The following PSEN1 variants were observed in gnomAD, a reference collection of about 807,000 sequenced individuals.
The protein encoded by PSEN1 is presenilin 1.
A neutral mutation model predicts 53.5 loss-of-function variants in PSEN1; 15 were observed. The ratio of observed to expected loss-of-function variants is 0.28; its 90% CI spans 0.19 to 0.43. The LOEUF is 0.43. Ranked by LOEUF, PSEN1 falls within the 20% of genes least tolerant of loss-of-function variation. The pLI, the probability that PSEN1 is intolerant of heterozygous loss-of-function variation, is 1.00. For synonymous variants in PSEN1, 208 were observed against 209.8 expected (o/e 0.99, Z 0.08); for missense variants, 387 against 571.2 (o/e 0.68, Z 3.29).
At chr14:73,184,655 C>A (rs1753177177) in intron 5 of PSEN1, among the ~76,000 whole-genome samples, 1 of 145,410 alleles carries the variant, frequency 6.9e-6, no homozygotes, top group African/African-American at 2.5e-5. Context: ...CTGACCCCCC[C>A]ACCTCCCTCC....
chr14:73,145,686 A>G (rs139964536), intron 1 of PSEN1, among the ~76,000 whole-genome samples: 1 of 152,224 alleles, frequency 6.6e-6, no homozygotes, highest in Non-Finnish European at 1.5e-5. Flanking sequence ...TTGTATGGAT[A>G]CTCAAAAAGT....
chr14:73,143,293 C>G (rs1427532969), intron 1 of PSEN1, among the ~76,000 whole-genome samples: 1 of 152,142 alleles, frequency 6.6e-6, no homozygotes, highest in East Asian at 1.9e-4. Flanking sequence ...AGCAGCTCTC[C>G]CAGGGAGGCT....
At chr14:73,184,809 C>T (rs1241874473) in intron 5 of PSEN1, among the ~76,000 whole-genome samples, 2,934 of 99,268 alleles carry the variant, frequency 0.03, 50 homozygotes, top group African/African-American at 0.1. Flanking sequence ...ACTTCCCAGA[C>T]GGGGCGGCTG....
chr14:73,213,798 C>T (rs922879190), intron 10 of PSEN1, among the ~76,000 whole-genome samples: 7 of 152,214 alleles, frequency 4.6e-5, no homozygotes, highest in African/African-American at 1.7e-4. Flanking sequence ...ATCAAAACCA[C>T]TTCATACTCA....
intron 5 of PSEN1, among the ~76,000 whole-genome samples, chr14:73,185,337 A>G (rs905422636): frequency 2.0e-5 from 3 of 152,078 alleles, no homozygotes; most frequent in Non-Finnish European, 4.4e-5. Context: ...AGTGAACGAG[A>G]CTCCGTCTGC....
chr14:73,211,619 A>T, intron 9 of PSEN1, 150 bp from the exon 10 acceptor site: 1 of 771,064 alleles, frequency 1.3e-6, no homozygotes, highest in Non-Finnish European at 2.1e-6. Flanking sequence ...GCTGTTGGAT[A>T]AACTACCAGC....
At chr14:73,142,594 C>T (rs780136568) in intron 1 of PSEN1, among the ~76,000 whole-genome samples, 30 of 152,156 alleles carry the variant, frequency 2.0e-4, no homozygotes, top group Non-Finnish European at 3.5e-4. Flanking sequence ...GAGAAGAAAA[C>T]GTATTAATTC....
At position 73,143,570 on chromosome 14, in the gene PSEN1, A is replaced by C. The variant is rs1016729831; in HGVS notation, c.-135-4225A>C. Among the ~76,000 whole-genome samples the C allele has an allele frequency of 2.6e-5, 4 of 152,344 alleles. No homozygotes were observed. The East Asian group carries it at 7.7e-4, about 29-fold the overall frequency. Reference sequence around the variant, plus strand: ...AAAAGAACTTTGAAGATAGTATTGGAAAATGCTAAAGTGACTGCTGTGTTA... The same window carrying C: ...AAAAGAACTTTGAAGATAGTATTGGCAAATGCTAAAGTGACTGCTGTGTTA... On this transcript the variant is annotated intron_variant, in intron 1 of 11. Coordinates refer to ENST00000324501, the MANE Select transcript of PSEN1 (RefSeq NM_000021.4).
chr14:73,171,076 C>T, intron 4 of PSEN1, 29 bp downstream of exon 4: 1 of 1,613,220 alleles, frequency 6.2e-7, no homozygotes, highest in South Asian at 1.1e-5. Context: ...TTATTATTCT[C>T]AAAGCCAGTG....
At chr14:73,157,232 TCTC>T (rs1307984012) in intron 3 of PSEN1, among the ~76,000 whole-genome samples, 12 of 151,230 alleles carry the variant, frequency 7.9e-5, no homozygotes, top group African/African-American at 2.7e-4. Flanking sequence ...TTCAAGCGAT[TCTC>T]CTGCCTCAGC....
chr14:73,179,602 G>A lies in PSEN1; in HGVS notation c.480+5895G>A, dbSNP rs572343288. On this transcript the variant is annotated intron_variant, in intron 5 of 11. Coordinates refer to ENST00000324501, the MANE Select transcript of PSEN1 (RefSeq NM_000021.4). Reference sequence around the variant, plus strand: ...ACTGCACTCCAGCCTGAGCTACAGTGCGAGACTCTGTCTCCAAAAAAAAGG... The same window carrying A: ...ACTGCACTCCAGCCTGAGCTACAGTACGAGACTCTGTCTCCAAAAAAAAGG... 2.0e-5 allele frequency among the ~76,000 whole-genome samples: 3 copies of A among 152,246 alleles called. No homozygotes were observed. The East Asian group carries it at 5.8e-4, about 29-fold the overall frequency.
At chr14:73,214,773 G>C (rs901686682) in intron 10 of PSEN1, among the ~76,000 whole-genome samples, 2 of 152,086 alleles carry the variant, frequency 1.3e-5, no homozygotes, top group South Asian at 2.1e-4. Flanking sequence ...GTTGCCAGGG[G>C]TTAAGGGGAG....
At chr14:73,219,076 GC>G in intron 11 of PSEN1, 57 bp from the exon 12 acceptor site, 1 of 1,566,120 alleles carries the variant, frequency 6.4e-7, no homozygotes, top group East Asian at 2.2e-5. Context: ...ATTGAGTTTT[GC>G]CTGAAAATGC....
chr14:73,208,501 C>A (rs540579405), intron 9 of PSEN1, among the ~76,000 whole-genome samples: 1 of 151,792 alleles, frequency 6.6e-6, no homozygotes. Flanking sequence ...GAGAGGAGAC[C>A]CGGAATGGGT....
At chr14:73,151,655 C>A (rs1897227312) in intron 3 of PSEN1, among the ~76,000 whole-genome samples, 1 of 151,594 alleles carries the variant, frequency 6.6e-6, no homozygotes, top group Admixed American at 6.6e-5. Flanking sequence ...TCCTTGAGAC[C>A]AGGGTGGTCT....
At chr14:73,139,061 A>AT (rs1447548452) in intron 1 of PSEN1, among the ~76,000 whole-genome samples, 1 of 152,024 alleles carries the variant, frequency 6.6e-6, no homozygotes, top group African/African-American at 2.4e-5. Context: ...AGGCGGGTGG[A>AT]TAACCAGATC....
At chr14:73,149,063 A>G (rs1897148290) in intron 3 of PSEN1, among the ~76,000 whole-genome samples, 4 of 152,222 alleles carry the variant, frequency 2.6e-5, no homozygotes, top group Admixed American at 2.6e-4. Flanking sequence ...AGAGGAAAAC[A>G]CAAGGCCAAC....
chr14:73,160,736 G>A (rs1053943423), intron 3 of PSEN1, among the ~76,000 whole-genome samples: 1 of 143,126 alleles, frequency 7.0e-6, no homozygotes, highest in East Asian at 2.1e-4. Flanking sequence ...AGAAATATCT[G>A]TTCAAGTCCT....
At position 73,219,045 on chromosome 14, in the gene PSEN1, T is replaced by C. The variant is rs1900042822; in HGVS notation, c.1249-89T>C. ...CAAAAGGAAAATATTCAGTTAACTA[T>C]GTTAAAAACCAAGACTTGTGATTGA... On this transcript the variant is annotated intron_variant, in intron 11 of 11. Transcript: ENST00000324501. 2.2e-5 allele frequency: 30 copies of C among 1,373,652 alleles called. No homozygotes were observed. The South Asian group carries it at 3.5e-4, about 16-fold the overall frequency. The allele number at this position is 1,373,652 out of a possible 1,614,324, so 85.1% of individuals were successfully genotyped here. A position where few individuals can be genotyped will look rare whatever the true frequency, so the allele number is the denominator to read the frequency against.
Sources: allele counts gnomAD v4.1 joint callset (sites outside exome capture counted in the v4.1 genomes callset), GRCh38; gene constraint gnomAD v4.1.1; transcripts MANE v1.5; gene names NCBI Gene and HGNC (gene_info 2026-07-23, HGNC 2026-07-21).